The following SLC2A9 variants were observed in gnomAD, a reference collection of about 807,000 sequenced individuals.
SLC2A9 encodes solute carrier family 2, facilitated glucose transporter member 9.
SLC2A9 carries 39 observed loss-of-function variants against 50.6 expected under a neutral mutation model. The ratio of observed to expected loss-of-function variants is 0.77; its 90% confidence interval spans 0.60 to 1.01. SLC2A9 has a LOEUF of 1.01. SLC2A9 is among the 50% of genes least tolerant of loss of function. The probability of loss-of-function intolerance (pLI) is 0.00; values close to 1 mark genes in which losing one functional copy is unlikely to be tolerated. For missense variants in SLC2A9, 686 were observed against 677.6 expected (o/e 1.01, Z -0.14); for synonymous variants, 324 against 276.9 (o/e 1.17, Z -1.69).
chr4:9,820,533 T>C lies in SLC2A9; in HGVS notation n.420+5887A>G, dbSNP rs777246578. Among the ~76,000 whole-genome samples the C allele has an allele frequency of 7.9e-5, 12 of 152,356 alleles. No homozygotes were observed. In the East Asian group the frequency reaches 1.3e-3, roughly 17 times the overall value. Reference sequence around the variant, plus strand: ...AAATCTATAGATAAATGGAAGAAGATTGACCTTTTAACTTTAGTAAAGTCA... The same window carrying C: ...AAATCTATAGATAAATGGAAGAAGACTGACCTTTTAACTTTAGTAAAGTCA... On this transcript the variant is annotated intron_variant and non_coding_transcript_variant, in intron 3 of 3. Coordinates refer to the SLC2A9 transcript ENST00000503280.
chr4:9,823,510 A>G (rs2109058847), downstream of SLC2A9, among the ~76,000 whole-genome samples: 1 of 152,256 alleles, frequency 6.6e-6, no homozygotes, highest in Non-Finnish European at 1.5e-5. Context: ...CAAATCCTAG[A>G]TTATCAACTT....
intron 3 of SLC2A9, among the ~76,000 whole-genome samples, chr4:9,805,123 G>A (rs1721955562): frequency 6.6e-6 from 1 of 152,176 alleles, no homozygotes. Context: ...GCTAGGCTGA[G>A]TTAGGCCACA....
Position 9,941,913 on chromosome 4 carries a change from C to A in SLC2A9, c.814G>T (p.Ala272Ser). ...GTGCAGGAAAGGGAAGGGCCCTCACCTTTCACAGCTCTTGCCTCGTTGTGC... is the reference window on the plus strand; with the variant it reads ...GTGCAGGAAAGGGAAGGGCCCTCACATTTCACAGCTCTTGCCTCGTTGTGC... ...EKHNEARAVKAFQTFLGKADV... is the reference protein window; with the variant it reads ...EKHNEARAVKSFQTFLGKADV... Residue 272 changes from alanine (A) to serine (S), a missense_variant and splice_region_variant, in exon 6 of 12, where the codon GCC (alanine) becomes TCC (serine). By Grantham distance (99) the Ala-to-Ser change is moderately conservative. Transcript: ENST00000264784. 6.2e-7 allele frequency: 1 copy of A among 1,614,044 alleles called. No homozygotes were observed. Among genetic ancestry groups the A allele is most frequent in the Non-Finnish European group, 8.5e-7 (1 of 1,179,956 alleles).
At chr4:9,958,952 A>C (rs1471961063) in intron 5 of SLC2A9, among the ~76,000 whole-genome samples, 1 of 150,430 alleles carries the variant, frequency 6.6e-6, no homozygotes, top group African/African-American at 2.5e-5. Context: ...TGATGGAATT[A>C]ATAACTCCAG....
chr4:9,941,827 G>A (rs1365034901), intron 6 of SLC2A9, 86 bp downstream of exon 6: 1 of 1,582,056 alleles, frequency 6.3e-7, no homozygotes, highest in Non-Finnish European at 8.6e-7. Flanking sequence ...ACCCCTTCCT[G>A]TGCCCATTGG....
At chr4:9,884,779 T>C (rs975753622) in intron 10 of SLC2A9, among the ~76,000 whole-genome samples, 7 of 152,120 alleles carry the variant, frequency 4.6e-5, no homozygotes, top group African/African-American at 9.7e-5. Flanking sequence ...CAAATGCTCA[T>C]CAATGATAGA....
At chr4:9,846,544 C>G (rs988135358) in intron 10 of SLC2A9, among the ~76,000 whole-genome samples, 3 of 152,186 alleles carry the variant, frequency 2.0e-5, no homozygotes, top group Non-Finnish European at 4.4e-5. Context: ...CTCTGCTGAC[C>G]ACCAGGTGAG....
chr4:9,878,569 C>T (rs1340220450), intron 10 of SLC2A9, among the ~76,000 whole-genome samples: 1 of 152,062 alleles, frequency 6.6e-6, no homozygotes, highest in Non-Finnish European at 1.5e-5. Flanking sequence ...GATGCACCCC[C>T]ATACCTTCTG....
At chr4:9,893,228 TC>T (rs1306744353) in intron 8 of SLC2A9, among the ~76,000 whole-genome samples, 3 of 136,888 alleles carry the variant, frequency 2.2e-5, no homozygotes, top group Non-Finnish European at 3.2e-5. Flanking sequence ...CCCCACCCCC[TC>T]CCCCCTCCGC....
chr4:9,887,503 G>GC (rs1736493079), intron 10 of SLC2A9, 64 bp downstream of exon 10: 2 of 1,469,952 alleles, frequency 1.4e-6, no homozygotes, highest in Admixed American at 2.0e-5. Context: ...TATGAGGAGA[G>GC]CCCCCCAGCT....
chr4:10,039,691 G>A (rs1023871658), intron 1 of SLC2A9, among the ~76,000 whole-genome samples: 1 of 152,042 alleles, frequency 6.6e-6, no homozygotes, highest in Admixed American at 6.6e-5. Context: ...TCTCCAGCAG[G>A]CTGGACATCA....
chr4:9,810,176 T>C (rs1205933309), intron 3 of SLC2A9, among the ~76,000 whole-genome samples: 2 of 152,198 alleles, frequency 1.3e-5, no homozygotes, highest in African/African-American at 4.8e-5. Context: ...GGGCATTTTC[T>C]GTCTTCTTTA....
downstream of SLC2A9, among the ~76,000 whole-genome samples, chr4:9,776,291 T>C (rs1717559942): frequency 6.6e-6 from 1 of 151,518 alleles, no homozygotes; most frequent in African/African-American, 2.4e-5. Flanking sequence ...TAGAAGAAGA[T>C]TGTTTTTCTG....
intron 11 of SLC2A9, among the ~76,000 whole-genome samples, chr4:9,829,431 C>T (rs567342802): frequency 7.3e-4 from 105 of 144,144 alleles, no homozygotes; most frequent in Admixed American, 1.6e-3. Flanking sequence ...CAATACCATT[C>T]GGGACATAGT....
chr4:9,858,626 C>T (rs187423250), intron 10 of SLC2A9, among the ~76,000 whole-genome samples: 15 of 152,224 alleles, frequency 9.9e-5, no homozygotes, highest in East Asian at 3.9e-4. Flanking sequence ...AGAGTGTCCC[C>T]GGCAAACTAC....
chr4:9,777,755 C>G (rs370995440), downstream of SLC2A9, among the ~76,000 whole-genome samples: 2 of 152,142 alleles, frequency 1.3e-5, no homozygotes, highest in East Asian at 3.9e-4. Flanking sequence ...GAGGGCCAGG[C>G]GGTGATGTGA....
chr4:9,888,093 A>G (rs1415665008), intron 9 of SLC2A9, among the ~76,000 whole-genome samples: 2 of 144,710 alleles, frequency 1.4e-5, no homozygotes, highest in Non-Finnish European at 3.0e-5. Flanking sequence ...AGGGAGGGGA[A>G]CATCACATGC....
chr4:9,855,925 C>T (rs1205374521), intron 10 of SLC2A9, among the ~76,000 whole-genome samples: 1 of 152,198 alleles, frequency 6.6e-6, no homozygotes, highest in Non-Finnish European at 1.5e-5. Context: ...AAGACTGAAA[C>T]TGGACCTCTT....
At chr4:10,017,643 C>A (rs947617030) in intron 2 of SLC2A9, among the ~76,000 whole-genome samples, 1 of 152,210 alleles carries the variant, frequency 6.6e-6, no homozygotes, top group African/African-American at 2.4e-5. Context: ...CCCAGGCTTC[C>A]CCTATGTTTT....
Sources: gnomAD v4.1 joint callset for allele counts (sites outside exome capture counted in the v4.1 genomes callset) on GRCh38, gnomAD v4.1.1 for gene constraint, MANE v1.5 for transcripts, NCBI Gene and HGNC (gene_info 2026-07-23, HGNC 2026-07-21) for gene names.